The following ANKRD28 variants were observed in gnomAD, a reference collection of about 807,000 sequenced individuals.
ANKRD28 encodes the protein serine/threonine-protein phosphatase 6 regulatory ankyrin repeat subunit A.
A neutral mutation model predicts 126.5 loss-of-function variants in ANKRD28; 44 were observed. The ratio of observed to expected loss-of-function variants is 0.35; its 90% CI spans 0.27 to 0.45. ANKRD28 has a LOEUF of 0.45. Among genes scored for constraint, ANKRD28 ranks in the 20% least tolerant of loss-of-function variants. The pLI is 1.00. For missense variants in ANKRD28, 1,110 were observed against 1,316.6 expected, an observed-to-expected ratio of 0.84 and a Z score of 2.43; for synonymous variants, 442 against 468.5, an observed-to-expected ratio of 0.94 and a Z score of 0.73.
rs150681427 is a variant in ANKRD28 at position 15,745,805 on chromosome 3, T to A, written c.351+5945A>T. Among the ~76,000 whole-genome samples, 642 of 152,346 alleles carry A rather than the reference T, an allele frequency of 4.2e-3. 4 individuals are homozygous for A. The highest frequency in any genetic ancestry group is 0.019 in the East Asian group (98 of 5,190). On this transcript the variant is annotated intron_variant, in intron 4 of 27. Coordinates refer to ENST00000683139, the MANE Select transcript of ANKRD28 (RefSeq NM_001349278.2). ...AATTTGTAGATTGCTTTTGGCAGCA[T>A]GGTCATTTTTGCACCATTGATTCTA...
At chr3:15,791,899 A>G (rs146314517) in intron 2 of ANKRD28, among the ~76,000 whole-genome samples, 120 of 152,320 alleles carry the variant, frequency 7.9e-4, no homozygotes, top group African/African-American at 2.8e-3. Context: ...ACAACTCTAC[A>G]GGAAAAAACC....
intron 2 of ANKRD28, among the ~76,000 whole-genome samples, chr3:15,788,052 T>G (rs2059861514): frequency 6.6e-6 from 1 of 152,180 alleles, no homozygotes; most frequent in African/African-American, 2.4e-5. Flanking sequence ...TAAAAAGGGT[T>G]GCTCATAATC....
In ANKRD28 at chr3:15,816,674, A is replaced by G. The variant is rs951699714; in HGVS notation, c.28-21368T>C. Among the ~76,000 whole-genome samples the G allele has an allele frequency of 6.6e-5, 10 of 152,246 alleles. No individual in the cohort carries two copies. Among genetic ancestry groups the G allele is most frequent in the Admixed American group, 3.3e-4 (5 of 15,288 alleles). On this transcript the variant is annotated intron_variant, in intron 1 of 27. Transcript: ENST00000399451. The surrounding 1 kb of genome is among the most constrained non-coding windows in gnomAD (Gnocchi z 5.0). ...GCTAACTAACAAACATTTAAGTTAC[A>G]TGAAACTGAAAAATGTATAAGAGCA...
intron 1 of ANKRD28, among the ~76,000 whole-genome samples, chr3:15,855,029 C>T (rs2061733763): frequency 1.3e-5 from 2 of 152,074 alleles, no homozygotes; most frequent in African/African-American, 4.8e-5. Flanking sequence ...AGCCTGGTGA[C>T]AGAGCAAGAC....
At chr3:15,762,496 T>C (rs1477467890) in intron 3 of ANKRD28, among the ~76,000 whole-genome samples, 2 of 152,214 alleles carry the variant, frequency 1.3e-5, no homozygotes, top group African/African-American at 2.4e-5. Context: ...AACATATAAA[T>C]ACACTTCTCC....
intron 3 of ANKRD28, among the ~76,000 whole-genome samples, chr3:15,754,925 T>C (rs1428835545): frequency 6.6e-6 from 1 of 152,166 alleles, no homozygotes; most frequent in African/African-American, 2.4e-5. Flanking sequence ...AAGACCAGTC[T>C]GGCCAACATG....
intron 27 of ANKRD28, among the ~76,000 whole-genome samples, chr3:15,671,591 T>G (rs1211699210): frequency 2.0e-5 from 3 of 148,976 alleles, no homozygotes; most frequent in East Asian, 1.9e-4. Context: ...TTTTTTTTGT[T>G]TTTTTTTTTT....
intron 2 of ANKRD28, among the ~76,000 whole-genome samples, chr3:15,792,693 ATAACT>A (rs1243467095): frequency 1.3e-5 from 2 of 152,326 alleles, no homozygotes; most frequent in East Asian, 1.9e-4. Flanking sequence ...ATATTTTAAA[ATAACT>A]TAAATAATGT....
intron 4 of ANKRD28, 82 bp from the exon 5 acceptor site, chr3:15,737,315 T>C (rs980973559): frequency 1.8e-6 from 2 of 1,129,480 alleles, no homozygotes; most frequent in Non-Finnish European, 2.5e-6. Flanking sequence ...CGTGTGTGTG[T>C]ATAAATATGT....
intron 3 of ANKRD28, among the ~76,000 whole-genome samples, chr3:15,759,111 T>C (rs2058323124): frequency 1.3e-5 from 2 of 152,168 alleles, no homozygotes; most frequent in South Asian, 2.1e-4. Flanking sequence ...TGACTTCACA[T>C]GTAAATTTTA....
intron 3 of ANKRD28, among the ~76,000 whole-genome samples, chr3:15,762,707 A>T (rs1483226809): frequency 6.6e-6 from 1 of 152,220 alleles, no homozygotes; most frequent in African/African-American, 2.4e-5. Context: ...CCTGATATCA[A>T]GGAATTTATT....
At position 15,797,261 on chromosome 3, in the gene ANKRD28, T is replaced by A. The variant is rs1045333037; in HGVS notation, c.-740A>T. On this transcript the variant is annotated 5_prime_UTR_variant, in exon 1 of 28. It removes an upstream start codon present in the reference 5' UTR. Transcript: ENST00000683139. ...ATAGCAAAGCTGCAGTACGTTTACATGTGATGAGTCAGACCACAAGAGACA... is the reference window on the plus strand; with the variant it reads ...ATAGCAAAGCTGCAGTACGTTTACAAGTGATGAGTCAGACCACAAGAGACA... 2.0e-6 allele frequency: 2 copies of A among 983,288 alleles called. No homozygotes were observed. The highest frequency in any genetic ancestry group is 3.5e-5 in the African/African-American group (2 of 56,650). The allele number at this position is 983,288 out of a possible 1,614,324, so 60.9% of individuals were successfully genotyped here.
chr3:15,751,761 A>T lies in ANKRD28; in HGVS notation c.340T>A (p.Ser114Thr). The T allele has an allele frequency of 6.3e-7, 1 of 1,584,938 alleles. No homozygotes were observed. The highest frequency in any genetic ancestry group is 1.2e-5 in the South Asian group (1 of 86,108). The change falls in exon 4 of 28, where the codon TCT becomes ACT. Residue 114 changes from serine to threonine, a missense_variant. Ser to Thr is a moderately conservative substitution (Grantham distance 58). Coordinates refer to ENST00000683139, the MANE Select transcript of ANKRD28 (RefSeq NM_001349278.2). Reference protein sequence around the residue: ...WLTPLHRAVASCSEEAVQVLL... With the variant: ...WLTPLHRAVATCSEEAVQVLL... ...GAGAAATTTCATACCTCACTACAAGATGCAACTGCTCTGTGTAAAGGTGTC... is the reference window on the plus strand; with the variant it reads ...GAGAAATTTCATACCTCACTACAAGTTGCAACTGCTCTGTGTAAAGGTGTC...
At chr3:15,766,717 C>T (rs2058756747) in intron 2 of ANKRD28, among the ~76,000 whole-genome samples, 1 of 152,056 alleles carries the variant, frequency 6.6e-6, no homozygotes. Flanking sequence ...CAGGGTATTT[C>T]CTTGCTAAGG....
upstream of ANKRD28, among the ~76,000 whole-genome samples, chr3:15,802,511 T>C (rs149663543): frequency 2.0e-5 from 3 of 152,334 alleles, no homozygotes; most frequent in African/African-American, 7.2e-5. Flanking sequence ...ACATATATCC[T>C]TCGAGCCCTG....
At chr3:15,721,220 T>C (rs2073688942) in intron 7 of ANKRD28, 93 bp from the exon 8 acceptor site, 2 of 1,027,114 alleles carry the variant, frequency 1.9e-6, no homozygotes, top group Admixed American at 4.4e-5. Flanking sequence ...GCAATCAAAT[T>C]ACTAAAGTGA....
At chr3:15,841,457 C>T (rs1419162529) in intron 1 of ANKRD28, among the ~76,000 whole-genome samples, 1 of 152,016 alleles carries the variant, frequency 6.6e-6, no homozygotes, top group African/African-American at 2.4e-5. Context: ...AAAGCTTCTG[C>T]ACAGCAAAGG....
At chr3:15,682,008 T>C (rs1462098701) in intron 21 of ANKRD28, among the ~76,000 whole-genome samples, 2 of 152,078 alleles carry the variant, frequency 1.3e-5, no homozygotes, top group Non-Finnish European at 2.9e-5. Flanking sequence ...TTGTCCATTG[T>C]TGACTTAAGA....
chr3:15,737,688 A>T (rs1200380849), intron 4 of ANKRD28, among the ~76,000 whole-genome samples: 1 of 151,570 alleles, frequency 6.6e-6, no homozygotes, highest in Non-Finnish European at 1.5e-5. Flanking sequence ...CTGGTCTCAC[A>T]CTCCTGGCCT....
Sources: gnomAD v4.1 joint callset for allele counts (sites outside exome capture counted in the v4.1 genomes callset) on GRCh38, gnomAD v4.1.1 for gene constraint, Gnocchi (gnomAD v3.1) non-coding constraint, MANE v1.5 for transcripts, NCBI Gene and HGNC (gene_info 2026-07-23, HGNC 2026-07-21) for gene names.